NCKAP5: variants seen among roughly 807,000 people sequenced by gnomAD.
The protein encoded by NCKAP5 is NCK associated protein 5.
Under a neutral mutation model 167.0 loss-of-function variants are expected in NCKAP5, and 92 were observed. The ratio of observed to expected loss-of-function variants is 0.55; its 90% confidence interval spans 0.47 to 0.66. The LOEUF (loss-of-function observed/expected upper bound fraction) is 0.66. Among genes scored for constraint, NCKAP5 ranks in the 30% least tolerant of loss-of-function variants. The probability of loss-of-function intolerance (pLI) is 0.00; values close to 1 mark genes in which losing one functional copy is unlikely to be tolerated. For missense variants in NCKAP5, 2,378 were observed against 2,315.0 expected, an observed-to-expected ratio of 1.03 and a Z score of -0.56; for synonymous variants, 891 against 877.4, an observed-to-expected ratio of 1.02 and a Z score of -0.27.
intron 19 of NCKAP5, among the ~76,000 whole-genome samples, chr2:132,678,065 G>A (rs1684731292): frequency 6.6e-6 from 1 of 152,066 alleles, no homozygotes; most frequent in South Asian, 2.1e-4. Context: ...ACAATATCCT[G>A]AATACCAAGG....
At chr2:133,463,341 T>C (rs1574998211) in intron 3 of NCKAP5, among the ~76,000 whole-genome samples, 2 of 152,304 alleles carry the variant, frequency 1.3e-5, no homozygotes, top group Non-Finnish European at 1.5e-5. Context: ...AATGAAGAAA[T>C]GGCCATGTGG....
At chr2:132,876,222 C>G (rs1379378663) in intron 9 of NCKAP5, among the ~76,000 whole-genome samples, 3 of 151,958 alleles carry the variant, frequency 2.0e-5, no homozygotes, top group African/African-American at 7.2e-5. Context: ...ATAGCTGTGT[C>G]TACAGGTACC....
At chr2:133,237,219 A>C (rs923538793) in intron 4 of NCKAP5, among the ~76,000 whole-genome samples, 1 of 152,192 alleles carries the variant, frequency 6.6e-6, no homozygotes, top group Non-Finnish European at 1.5e-5. Context: ...ACAAATTATT[A>C]TATTCCTAAG....
At chr2:133,368,961 G>A (rs1204523560) in intron 3 of NCKAP5, among the ~76,000 whole-genome samples, 1 of 152,162 alleles carries the variant, frequency 6.6e-6, no homozygotes, top group Non-Finnish European at 1.5e-5. Context: ...GGTCAGGAAG[G>A]ATATTTGTTT....
chr2:132,884,347 G>C (rs1393084693), intron 8 of NCKAP5, among the ~76,000 whole-genome samples: 2 of 152,142 alleles, frequency 1.3e-5, no homozygotes, highest in African/African-American at 4.8e-5. Flanking sequence ...TCCCTTCAGG[G>C]ATTGCTTTTG....
chr2:133,262,337 G>T (rs184937993), intron 4 of NCKAP5, among the ~76,000 whole-genome samples: 2 of 152,200 alleles, frequency 1.3e-5, no homozygotes, highest in East Asian at 1.9e-4. Flanking sequence ...CTATTTAGAG[G>T]CCATAGTTTT....
intron 19 of NCKAP5, among the ~76,000 whole-genome samples, chr2:132,700,777 A>G (rs946635927): frequency 6.6e-6 from 1 of 152,150 alleles, no homozygotes; most frequent in Non-Finnish European, 1.5e-5. Flanking sequence ...TGACATCACA[A>G]ATTTTGACAT....
At position 132,673,200 on chromosome 2, in the gene NCKAP5, C is replaced by T; in HGVS notation, c.*89G>A. On this transcript the variant is annotated 3_prime_UTR_variant, in exon 20 of 20. Transcript: ENST00000409261. ...TTGTTCAGAGAGTTCTTCTCTTTTT[C>T]TAATAAAATCACAGTATTGCTGTTA... is the stretch of plus-strand genomic sequence containing the variant. The T allele has an allele frequency of 7.0e-7, 1 of 1,420,344 alleles. No homozygotes were observed. The highest frequency in any genetic ancestry group is 9.2e-7 in the Non-Finnish European group (1 of 1,089,488). 88.0% of individuals were successfully genotyped at this position (1,420,344 alleles called of 1,614,324 possible). A position where few individuals can be genotyped will look rare whatever the true frequency, so the allele number is the denominator to read the frequency against.
intron 6 of NCKAP5, among the ~76,000 whole-genome samples, chr2:133,080,794 C>T (rs923955473): frequency 6.6e-6 from 1 of 151,870 alleles, no homozygotes; most frequent in South Asian, 2.1e-4. Context: ...AAAAAGGTAC[C>T]GTGGCATTAG....
the NCKAP5 span, among the ~76,000 whole-genome samples, chr2:133,645,420 C>A: frequency 6.6e-6 from 1 of 152,110 alleles, no homozygotes; most frequent in African/African-American, 2.4e-5. Context: ...TATACCAACA[C>A]CATGCTAAGT....
chr2:133,425,048 T>C (rs907737360), intron 3 of NCKAP5, among the ~76,000 whole-genome samples: 3 of 152,234 alleles, frequency 2.0e-5, no homozygotes, highest in African/African-American at 7.2e-5. Context: ...TAAATGGTTT[T>C]CCTACAAGGG....
chr2:133,491,093 T>C (rs527551061), intron 3 of NCKAP5, among the ~76,000 whole-genome samples: 1 of 152,318 alleles, frequency 6.6e-6, no homozygotes. Context: ...CATTCATCTA[T>C]GAGTTCATAC....
intron 4 of NCKAP5, among the ~76,000 whole-genome samples, chr2:133,226,454 G>C (rs902325699): frequency 2.0e-5 from 3 of 151,988 alleles, no homozygotes; most frequent in Admixed American, 6.6e-5. Context: ...CCCCAAAAAT[G>C]CATATATTGA....
intron 4 of NCKAP5, among the ~76,000 whole-genome samples, chr2:133,262,211 T>C (rs934056853): frequency 6.6e-6 from 1 of 152,122 alleles, no homozygotes; most frequent in Non-Finnish European, 1.5e-5. Flanking sequence ...CCAAATCACA[T>C]CAATAATAAA....
chr2:133,285,973 A>T (rs2150489978), intron 4 of NCKAP5, among the ~76,000 whole-genome samples: 1 of 152,164 alleles, frequency 6.6e-6, no homozygotes, highest in East Asian at 1.9e-4. Context: ...ATTTACTTGT[A>T]ATTATTACTA....
the NCKAP5 span, among the ~76,000 whole-genome samples, chr2:133,609,745 C>A: frequency 6.6e-6 from 1 of 151,888 alleles, no homozygotes; most frequent in Non-Finnish European, 1.5e-5. Context: ...CCAAAGCTTG[C>A]CAAGATAAAG....
intron 2 of NCKAP5, chr2:133,554,468 C>A (rs952581959): frequency 1.3e-5 from 2 of 152,146 alleles, no homozygotes; most frequent in African/African-American, 4.8e-5. Context: ...TTGGTAATTA[C>A]ACATGTCAAT....
chr2:133,021,151 T>C (rs1342858805), intron 6 of NCKAP5, among the ~76,000 whole-genome samples: 1 of 152,190 alleles, frequency 6.6e-6, no homozygotes, highest in Non-Finnish European at 1.5e-5. Flanking sequence ...ATAGTTTCCA[T>C]GCACTATGCA....
chr2:133,531,255 AAT>A (rs914671639), intron 2 of NCKAP5, among the ~76,000 whole-genome samples: 10 of 152,186 alleles, frequency 6.6e-5, no homozygotes, highest in Non-Finnish European at 1.2e-4. Flanking sequence ...CTTATTTATT[AAT>A]AGTTATTGCA....
Sources: allele counts gnomAD v4.1 joint callset (sites outside exome capture counted in the v4.1 genomes callset), GRCh38; gene constraint gnomAD v4.1.1; transcripts MANE v1.5; gene names NCBI Gene and HGNC (gene_info 2026-07-23, HGNC 2026-07-21).